TP63: variants seen among roughly 807,000 people sequenced by gnomAD.
TP63 encodes the protein tumor protein p63.
TP63 carries 17 observed loss-of-function variants against 82.8 expected under a neutral mutation model. The observed-to-expected ratio is 0.21, with a 90% CI of 0.14 to 0.31. The LOEUF is 0.31. Among genes scored for constraint, TP63 ranks in the 10% least tolerant of loss-of-function variants. The pLI, the probability that TP63 is intolerant of heterozygous loss-of-function variation, is 1.00. For synonymous variants in TP63, 330 were observed against 321.7 expected (o/e 1.03, Z -0.28); for missense variants, 648 against 895.3 (o/e 0.72, Z 3.52).
At chr3:189,858,677 G>A (rs1716625625) in intron 4 of TP63, among the ~76,000 whole-genome samples, 2 of 152,146 alleles carry the variant, frequency 1.3e-5, no homozygotes, top group African/African-American at 4.8e-5. Context: ...TACTCAGGAG[G>A]CTGAAATGGG....
At chr3:189,687,417 G>A (rs1220684117) in intron 1 of TP63, among the ~76,000 whole-genome samples, 1 of 152,180 alleles carries the variant, frequency 6.6e-6, no homozygotes, top group Non-Finnish European at 1.5e-5. Flanking sequence ...TCAGAAATCA[G>A]CATTATTTTA....
intron 1 of TP63, among the ~76,000 whole-genome samples, chr3:189,719,778 C>T (rs911036787): frequency 4.6e-5 from 7 of 152,150 alleles, no homozygotes; most frequent in African/African-American, 1.4e-4. Context: ...AGATCTCCTT[C>T]GTGAGCGCTT....
intron 6 of TP63, 124 bp from the exon 7 acceptor site, chr3:189,867,709 C>G: frequency 1.1e-6 from 1 of 888,530 alleles, no homozygotes; most frequent in South Asian, 1.4e-5. Flanking sequence ...TCAGAGTTTG[C>G]CCTTTTAGGA....
chr3:189,815,829 T>C (rs1192758195), intron 4 of TP63, among the ~76,000 whole-genome samples: 2 of 152,210 alleles, frequency 1.3e-5, no homozygotes, highest in African/African-American at 4.8e-5. Flanking sequence ...GTAATAATTC[T>C]TTATTCCTTT....
intron 3 of TP63, among the ~76,000 whole-genome samples, chr3:189,806,415 A>G (rs1576998869): frequency 6.6e-6 from 1 of 152,342 alleles, no homozygotes; most frequent in Non-Finnish European, 1.5e-5. Flanking sequence ...TGATTCCTAC[A>G]GGACGTTCAA....
intron 1 of TP63, among the ~76,000 whole-genome samples, chr3:189,704,189 AAT>A (rs1161657448): frequency 6.6e-6 from 1 of 152,226 alleles, no homozygotes; most frequent in Non-Finnish European, 1.5e-5. Context: ...GCCTGTAGGC[AAT>A]AGTGTGTGTG....
At chr3:189,624,393 A>G in the TP63 span, among the ~76,000 whole-genome samples, 5 of 152,210 alleles carry the variant, frequency 3.3e-5, no homozygotes, top group Non-Finnish European at 7.3e-5. Context: ...TCATTTTAGA[A>G]CAAAGTGATT....
At chr3:189,860,102 T>C (rs1716835658) in intron 4 of TP63, among the ~76,000 whole-genome samples, 1 of 152,086 alleles carries the variant, frequency 6.6e-6, no homozygotes. Flanking sequence ...TAAAAACTGG[T>C]ATACTTTGCG....
At chr3:189,848,218 G>GCCTCCT (rs367994163) in intron 4 of TP63, among the ~76,000 whole-genome samples, 1 of 105,386 alleles carries the variant, frequency 9.5e-6, no homozygotes, top group South Asian at 3.2e-4. Flanking sequence ...TCCTCCCTCT[G>GCCTCCT]CCTCCTCCTC....
intron 1 of TP63, among the ~76,000 whole-genome samples, chr3:189,689,622 C>T (rs1716753504): frequency 6.6e-6 from 1 of 151,952 alleles, no homozygotes; most frequent in African/African-American, 2.4e-5. Flanking sequence ...GTTCATTTTT[C>T]TGAGTATATA....
At chr3:189,606,589 C>A in the TP63 span, among the ~76,000 whole-genome samples, 41 of 134,658 alleles carry the variant, frequency 3.0e-4, no homozygotes, top group East Asian at 9.1e-3. Context: ...TCTTGGTTCA[C>A]TGCAACCTCT....
chr3:189,891,176 C>T (rs1213078072), intron 13 of TP63, among the ~76,000 whole-genome samples: 1 of 152,114 alleles, frequency 6.6e-6, no homozygotes, highest in Admixed American at 6.5e-5. Flanking sequence ...TCAAAACATT[C>T]ATAATTTCTA....
intron 3 of TP63, among the ~76,000 whole-genome samples, chr3:189,773,533 A>C (rs1422803236): frequency 6.6e-6 from 1 of 152,246 alleles, no homozygotes; most frequent in Non-Finnish European, 1.5e-5. Flanking sequence ...GTTTCCTTTT[A>C]GCAGACCATG....
intron 3 of TP63, among the ~76,000 whole-genome samples, chr3:189,790,785 A>G (rs1015060541): frequency 2.0e-5 from 3 of 152,094 alleles, no homozygotes; most frequent in African/African-American, 7.2e-5. Context: ...AGTGCTTGGA[A>G]AAGTGGACTA....
At chr3:189,690,977 T>G (rs1228777861) in intron 1 of TP63, among the ~76,000 whole-genome samples, 1 of 152,130 alleles carries the variant, frequency 6.6e-6, no homozygotes, top group African/African-American at 2.4e-5. Context: ...ACAAGCACGA[T>G]ATAGAGTGAT....
At chr3:189,789,900 T>TA (rs1355243779) in intron 3 of TP63, 34 of 1,470,552 alleles carry the variant, frequency 2.3e-5, no homozygotes, top group East Asian at 1.0e-4. Flanking sequence ...TTTATTTTTG[T>TA]AAAAAAACTT....
intron 4 of TP63, among the ~76,000 whole-genome samples, chr3:189,829,307 T>A (rs1308300523): frequency 2.0e-5 from 3 of 152,242 alleles, no homozygotes; most frequent in Non-Finnish European, 2.9e-5. Context: ...ACATGCTGTT[T>A]CTGAGCAATA....
At chr3:189,700,173 C>T (rs1242270057) in intron 1 of TP63, among the ~76,000 whole-genome samples, 1 of 152,000 alleles carries the variant, frequency 6.6e-6, no homozygotes, top group Non-Finnish European at 1.5e-5. Flanking sequence ...CCCAGAGGCT[C>T]CTAAAGATGA....
intron 3 of TP63, among the ~76,000 whole-genome samples, chr3:189,750,998 T>C (rs1442025946): frequency 6.6e-6 from 1 of 152,006 alleles, no homozygotes; most frequent in Non-Finnish European, 1.5e-5. Flanking sequence ...GGCCCTGATG[T>C]GTGATGTTCC....
Sources: gnomAD v4.1 joint callset for allele counts (sites outside exome capture counted in the v4.1 genomes callset) on GRCh38, gnomAD v4.1.1 for gene constraint, MANE v1.5 for transcripts, NCBI Gene and HGNC (gene_info 2026-07-23, HGNC 2026-07-21) for gene names.